SIPA1L1: variants seen among roughly 807,000 people sequenced by gnomAD.
The protein encoded by SIPA1L1 is signal induced proliferation associated 1 like 1.
A neutral mutation model predicts 162.7 loss-of-function variants in SIPA1L1; 26 were observed. That is an observed-to-expected ratio of 0.16 (90% CI 0.12 to 0.22). The LOEUF is 0.22. Ranked by LOEUF, SIPA1L1 falls within the 10% of genes least tolerant of loss-of-function variation. The pLI, the probability that SIPA1L1 is intolerant of heterozygous loss-of-function variation, is 1.00. For synonymous variants in SIPA1L1, 829 were observed against 837.4 expected (o/e 0.99, Z 0.17); for missense variants, 1,874 against 2,241.0 (o/e 0.84, Z 3.31).
chr14:71,570,960 C>T lies in SIPA1L1; in HGVS notation c.-302-16611C>T, dbSNP rs560960893. 8.1e-4 allele frequency among the ~76,000 whole-genome samples: 123 copies of T among 152,034 alleles called. 1 individual carries two copies. Among genetic ancestry groups the T allele is most frequent in the Admixed American group, 3.4e-3 (52 of 15,286 alleles). On this transcript the variant is annotated intron_variant, in intron 4 of 23. Coordinates refer to ENST00000381232, the MANE Select transcript of SIPA1L1 (RefSeq NM_001386936.1). ...ACAGGTGCGCACCACCACACCCAGC[C>T]AATTTTTGTATTTTAGTAGAGGCGG... is the stretch of plus-strand genomic sequence containing the variant.
intron 16 of SIPA1L1, among the ~76,000 whole-genome samples, chr14:71,707,182 C>A (rs1186381887): frequency 6.6e-6 from 1 of 151,974 alleles, no homozygotes; most frequent in Non-Finnish European, 1.5e-5. Flanking sequence ...CTCTTTTAAT[C>A]TCCAGCAATC....
chr14:71,368,200 T>G (rs2038543576), intron 2 of SIPA1L1, among the ~76,000 whole-genome samples: 1 of 144,372 alleles, frequency 6.9e-6, no homozygotes, highest in Non-Finnish European at 1.5e-5. Context: ...AGGGTACATG[T>G]GCACATTGTG....
intron 2 of SIPA1L1, among the ~76,000 whole-genome samples, chr14:71,489,779 G>A (rs2049085965): frequency 6.6e-6 from 1 of 152,144 alleles, no homozygotes; most frequent in South Asian, 2.1e-4. Flanking sequence ...TTTGTGTTGT[G>A]CCGCATTCAA....
At chr14:71,374,627 G>C (rs1432999772) in intron 2 of SIPA1L1, among the ~76,000 whole-genome samples, 1 of 151,302 alleles carries the variant, frequency 6.6e-6, no homozygotes, top group African/African-American at 2.4e-5. Context: ...AGTAATACAA[G>C]GCTTGGAAAG....
intron 17 of SIPA1L1, among the ~76,000 whole-genome samples, chr14:71,721,454 T>C (rs770010638): frequency 6.6e-6 from 1 of 152,146 alleles, no homozygotes; most frequent in Non-Finnish European, 1.5e-5. Flanking sequence ...CACCAATGAT[T>C]ACTCAAGGCC....
chr14:71,335,928 C>T (rs2035044527), intron 2 of SIPA1L1, among the ~76,000 whole-genome samples: 1 of 152,110 alleles, frequency 6.6e-6, no homozygotes, highest in African/African-American at 2.4e-5. Context: ...CTTGTCTTTC[C>T]TTTTTAAGTA....
chr14:71,509,984 AG>A (rs1379347525), intron 2 of SIPA1L1, among the ~76,000 whole-genome samples: 1 of 152,026 alleles, frequency 6.6e-6, no homozygotes, highest in Non-Finnish European at 1.5e-5. Flanking sequence ...CTGTTAATAA[AG>A]TTTCAACTTG....
chr14:71,670,653 A>G (rs778575689), intron 10 of SIPA1L1, among the ~76,000 whole-genome samples: 16 of 152,208 alleles, frequency 1.1e-4, no homozygotes, highest in Admixed American at 7.2e-4. Flanking sequence ...GATATTTTCA[A>G]TGTAAGCTGT....
At chr14:71,371,269 A>G (rs780768874) in intron 2 of SIPA1L1, among the ~76,000 whole-genome samples, 1 of 152,196 alleles carries the variant, frequency 6.6e-6, no homozygotes, top group African/African-American at 2.4e-5. Flanking sequence ...TGGTTGCCTT[A>G]CCTTGAGTAA....
chr14:71,438,879 G>A (rs2044617183), intron 2 of SIPA1L1, among the ~76,000 whole-genome samples: 1 of 152,174 alleles, frequency 6.6e-6, no homozygotes, highest in African/African-American at 2.4e-5. Flanking sequence ...TTGGAAAGCC[G>A]TGGGCTGGTT....
At chr14:71,489,302 A>G (rs929764216) in intron 2 of SIPA1L1, among the ~76,000 whole-genome samples, 1 of 152,190 alleles carries the variant, frequency 6.6e-6, no homozygotes, top group Non-Finnish European at 1.5e-5. Flanking sequence ...AAGCTAGATA[A>G]CGTCAGTGTG....
rs895396830 is a variant in SIPA1L1, at chr14:71,739,943, C to T, written c.*782C>T. The stretch of plus-strand genomic sequence containing the variant: ...AGCCCCACTAAATTGGAATCAATCT[C>T]TCTTACAGCTTCCTGGCTCCAAACA... On this transcript the variant is annotated 3_prime_UTR_variant, in exon 24 of 24. Transcript: ENST00000381232. 6.6e-6 allele frequency: 1 copy of T among 152,224 alleles called. No homozygotes were observed. Among genetic ancestry groups the T allele is most frequent in the Non-Finnish European group, 1.5e-5 (1 of 68,038 alleles). The allele number at this position is 152,224 out of a possible 1,614,324, so 9.4% of individuals were successfully genotyped here. A position where few individuals can be genotyped will look rare whatever the true frequency, so the allele number is the denominator to read the frequency against.
intron 4 of SIPA1L1, among the ~76,000 whole-genome samples, chr14:71,569,308 G>A (rs1006951618): frequency 2.0e-5 from 3 of 152,134 alleles, no homozygotes; most frequent in Non-Finnish European, 2.9e-5. Context: ...AAAAAATGTT[G>A]ACTCTCTGCA....
chr14:71,377,117 A>AG lies in SIPA1L1; in HGVS notation c.-465+55940dup. 6.6e-6 allele frequency among the ~76,000 whole-genome samples: 1 copy of AG among 150,472 alleles called. No homozygotes were observed. The highest frequency in any genetic ancestry group is 2.1e-4 in the South Asian group (1 of 4,746). On this transcript the variant is annotated intron_variant, in intron 2 of 23. Coordinates refer to ENST00000381232, the MANE Select transcript of SIPA1L1 (RefSeq NM_001386936.1). The surrounding 1 kb of genome is among the most constrained non-coding windows in gnomAD (Gnocchi z 4.8). ...CTTTCCAGATGTGGCGGCCGGGCAG[A>AG]GGGGCCCCCCCACCCCCCAGATGGG... is the stretch of plus-strand genomic sequence containing the variant.
At chr14:71,353,422 A>G (rs1018376057) in intron 2 of SIPA1L1, among the ~76,000 whole-genome samples, 1 of 152,192 alleles carries the variant, frequency 6.6e-6, no homozygotes. Flanking sequence ...GGACATGGCT[A>G]GTAATGGAGG....
chr14:71,340,933 C>T (rs1270980287), intron 2 of SIPA1L1, among the ~76,000 whole-genome samples: 1 of 151,962 alleles, frequency 6.6e-6, no homozygotes, highest in Non-Finnish European at 1.5e-5. Context: ...AGCGAGACTC[C>T]GTCTCAAAAA....
chr14:71,656,741 C>G (rs1566579568), intron 8 of SIPA1L1, among the ~76,000 whole-genome samples: 1 of 152,244 alleles, frequency 6.6e-6, no homozygotes, highest in Non-Finnish European at 1.5e-5. Context: ...AAACTCAGAG[C>G]TCTAGAATAT....
intron 17 of SIPA1L1, among the ~76,000 whole-genome samples, chr14:71,717,017 A>T (rs2150111157): frequency 6.6e-6 from 1 of 152,180 alleles, no homozygotes; most frequent in East Asian, 1.9e-4. Flanking sequence ...CCCTTGCCTC[A>T]GCCTCCCGAG....
chr14:71,636,768 G>A (rs558812050), intron 7 of SIPA1L1, among the ~76,000 whole-genome samples: 5 of 152,256 alleles, frequency 3.3e-5, no homozygotes, highest in African/African-American at 1.2e-4. Flanking sequence ...CTGGCCAGGC[G>A]AGGTGGCTCA....
Sources: gnomAD v4.1 joint callset for allele counts (sites outside exome capture counted in the v4.1 genomes callset) on GRCh38, gnomAD v4.1.1 for gene constraint, Gnocchi (gnomAD v3.1) non-coding constraint, MANE v1.5 for transcripts, NCBI Gene and HGNC (gene_info 2026-07-23, HGNC 2026-07-21) for gene names.